Variants in GRIP1 observed in about 807,000 individuals in gnomAD.
The protein encoded by GRIP1 is glutamate receptor interacting protein 1.
A neutral mutation model predicts 129.9 loss-of-function variants in GRIP1; 45 were observed. That is an observed-to-expected ratio of 0.35 (90% CI 0.27 to 0.44). The LOEUF is 0.44. GRIP1 is among the 20% of genes least tolerant of loss of function. The pLI, the probability that GRIP1 is intolerant of heterozygous loss-of-function variation, is 1.00. For missense variants in GRIP1, 1,196 were observed against 1,396.8 expected (o/e 0.86, Z 2.29); for synonymous variants, 530 against 520.8 (o/e 1.02, Z -0.24).
At chr12:66,419,920 A>G (rs532060069) in intron 15 of GRIP1, among the ~76,000 whole-genome samples, 2 of 151,874 alleles carry the variant, frequency 1.3e-5, no homozygotes, top group African/African-American at 4.8e-5. Context: ...ACATGGCAAA[A>G]CCCCGCCTCT....
At chr12:67,055,277 T>G (rs1202614559) in intron 1 of GRIP1, among the ~76,000 whole-genome samples, 4 of 151,506 alleles carry the variant, frequency 2.6e-5, no homozygotes, top group Non-Finnish European at 5.9e-5. Flanking sequence ...GAGGGGAGAG[T>G]ATGCTGGAGC....
intron 7 of GRIP1, among the ~76,000 whole-genome samples, chr12:66,498,908 G>A (rs180917939): frequency 2.9e-3 from 445 of 152,312 alleles, no homozygotes; most frequent in Non-Finnish European, 4.7e-3. Context: ...TTTATAGCCT[G>A]TGACCACAGG....
intron 1 of GRIP1, among the ~76,000 whole-genome samples, chr12:67,024,039 T>C (rs2042905638): frequency 6.6e-6 from 1 of 152,214 alleles, no homozygotes; most frequent in Non-Finnish European, 1.5e-5. Context: ...GTTTCACAGC[T>C]GTTTCTCAAT....
chr12:66,386,658 T>C (rs549945795), intron 19 of GRIP1, among the ~76,000 whole-genome samples: 16 of 151,988 alleles, frequency 1.1e-4, no homozygotes, highest in African/African-American at 3.6e-4. Flanking sequence ...GAAAAAAAAA[T>C]AGAATTCAAT....
chr12:66,432,613 C>A lies in GRIP1; in HGVS notation c.1703G>T (p.Ser568Ile). The A allele has an allele frequency of 6.3e-7, 1 of 1,596,054 alleles. No individual in the cohort carries two copies. The highest frequency in any genetic ancestry group is 1.7e-4 in the Middle Eastern group (1 of 6,024). Residue 568 changes from serine (S) to isoleucine (I), a missense_variant, in exon 14 of 25, where the codon AGT (serine) becomes ATT (isoleucine). Around this residue, in one of 5 missense-constraint regions of GRIP1, gnomAD observed 508 missense variants for 587.0 expected, o/e 0.87. Transcript: ENST00000359742. ...CAGCTTTACATGAAATGTTCCACTA[C>A]TTGGGATGACAGACTCTAATATCAA... ...EFDVAESVIP[S>I]SGTFHVKLPK...
chr12:66,564,406 T>C (rs11176266), intron 2 of GRIP1, among the ~76,000 whole-genome samples: 56,623 of 151,398 alleles, frequency 0.37, 10,762 homozygotes, highest in East Asian at 0.41. Flanking sequence ...GATAGTTTGC[T>C]CAGAATGATG....
At chr12:66,402,441 CTA>C (rs1341618264) in intron 16 of GRIP1, among the ~76,000 whole-genome samples, 6 of 152,192 alleles carry the variant, frequency 3.9e-5, no homozygotes, top group Non-Finnish European at 8.8e-5. Context: ...GGGAATAGTT[CTA>C]CCATCTCCTT....
chr12:66,614,072 C>T (rs575921642), intron 1 of GRIP1, among the ~76,000 whole-genome samples: 1 of 152,268 alleles, frequency 6.6e-6, no homozygotes, highest in South Asian at 2.1e-4. Flanking sequence ...ACCTTCTCAA[C>T]CTCTGTTGGT....
intron 1 of GRIP1, among the ~76,000 whole-genome samples, chr12:66,850,851 A>G (rs2039898539): frequency 6.6e-6 from 1 of 150,910 alleles, no homozygotes; most frequent in African/African-American, 2.4e-5. Flanking sequence ...TATGAATGTG[A>G]CCTCTCTCCT....
intron 19 of GRIP1, 117 bp from the exon 20 acceptor site, chr12:66,379,553 A>T (rs1191065935): frequency 1.0e-6 from 1 of 1,002,524 alleles, no homozygotes; most frequent in African/African-American, 1.6e-5. Context: ...AACAATAGTG[A>T]ACACATAGTG....
chr12:66,973,778 T>C (rs1196588024), intron 1 of GRIP1, among the ~76,000 whole-genome samples: 1 of 152,176 alleles, frequency 6.6e-6, no homozygotes, highest in Non-Finnish European at 1.5e-5. Flanking sequence ...GCATCAGCTA[T>C]GTGATGGTTG....
intron 7 of GRIP1, among the ~76,000 whole-genome samples, chr12:66,471,370 G>T (rs2059434642): frequency 1.3e-5 from 2 of 152,144 alleles, no homozygotes; most frequent in African/African-American, 4.8e-5. Context: ...ACAATTAGTA[G>T]TTACCAGGGT....
chr12:66,614,187 C>T (rs138499918), intron 1 of GRIP1, among the ~76,000 whole-genome samples: 7 of 152,140 alleles, frequency 4.6e-5, no homozygotes, highest in African/African-American at 1.7e-4. Flanking sequence ...CTTGCTATCA[C>T]ATCTACTTCC....
At chr12:66,604,045 T>C (rs1450870065) in intron 1 of GRIP1, among the ~76,000 whole-genome samples, 1 of 152,126 alleles carries the variant, frequency 6.6e-6, no homozygotes, top group Admixed American at 6.5e-5. Flanking sequence ...CATGGCACTG[T>C]CTCCTTAAAT....
At chr12:66,472,792 C>T (rs996969796) in intron 7 of GRIP1, among the ~76,000 whole-genome samples, 7 of 152,208 alleles carry the variant, frequency 4.6e-5, no homozygotes, top group Admixed American at 2.0e-4. Flanking sequence ...TGCACACTAG[C>T]CCAGATACTA....
chr12:66,374,921 A>T (rs925660420), intron 22 of GRIP1, among the ~76,000 whole-genome samples: 1 of 152,224 alleles, frequency 6.6e-6, no homozygotes, highest in Non-Finnish European at 1.5e-5. Flanking sequence ...AAGCTAAAAA[A>T]TAATTATTTT....
At chr12:66,415,493 A>G (rs1450568838) in intron 15 of GRIP1, among the ~76,000 whole-genome samples, 5 of 152,214 alleles carry the variant, frequency 3.3e-5, no homozygotes, top group African/African-American at 2.4e-5. Flanking sequence ...TAGTTCAACC[A>G]TTATGAAAGA....
chr12:66,596,988 T>A, intron 1 of GRIP1, 61 bp from the exon 2 acceptor site: 1 of 1,083,848 alleles, frequency 9.2e-7, no homozygotes, highest in South Asian at 1.2e-5. Flanking sequence ...CAGTGAAGAT[T>A]TTTAACGGAT....
At chr12:66,462,605 G>A (rs1051428931) in intron 9 of GRIP1, among the ~76,000 whole-genome samples, 6 of 151,830 alleles carry the variant, frequency 4.0e-5, no homozygotes, top group Non-Finnish European at 8.8e-5. Context: ...AAGAAATGAT[G>A]AGTCTGACCA....
Sources: allele counts gnomAD v4.1 joint callset (sites outside exome capture counted in the v4.1 genomes callset), GRCh38; gene constraint gnomAD v4.1.1; regional missense constraint gnomAD v4.1.1; transcripts MANE v1.5; gene names NCBI Gene and HGNC (gene_info 2026-07-23, HGNC 2026-07-21).